COX7B2: variants seen among roughly 807,000 people sequenced by gnomAD.
COX7B2 encodes the protein cytochrome c oxidase subunit 7B2, mitochondrial.
For synonymous variants in COX7B2, 37 were observed against 32.1 expected (o/e 1.15, Z -0.51); for missense variants, 109 against 95.9 (o/e 1.14, Z -0.57).
At chr4:46,906,026 T>C (rs940749368) in intron 1 of COX7B2, among the ~76,000 whole-genome samples, 43 of 151,336 alleles carry the variant, frequency 2.8e-4, no homozygotes, top group African/African-American at 9.9e-4. Flanking sequence ...AGACGGGGTT[T>C]CACCTTGTTA....
At chr4:46,859,362 G>C (rs968952413) in intron 1 of COX7B2, among the ~76,000 whole-genome samples, 24 of 152,150 alleles carry the variant, frequency 1.6e-4, no homozygotes, top group Admixed American at 1.5e-3. Context: ...AAGGAGCACA[G>C]ATTTTAGGGG....
chr4:46,889,128 T>G (rs1719265368), intron 1 of COX7B2, among the ~76,000 whole-genome samples: 1 of 152,186 alleles, frequency 6.6e-6, no homozygotes, highest in African/African-American at 2.4e-5. Flanking sequence ...CAAATTTAAA[T>G]TTTAAAAATA....
chr4:46,747,794 C>A (rs1014219778), intron 2 of COX7B2, among the ~76,000 whole-genome samples: 2 of 152,132 alleles, frequency 1.3e-5, no homozygotes, highest in Non-Finnish European at 2.9e-5. Context: ...AATAAAGCTC[C>A]TTCTGGCTTT....
At chr4:46,737,320 C>A (rs1056263842) in intron 2 of COX7B2, among the ~76,000 whole-genome samples, 3 of 152,016 alleles carry the variant, frequency 2.0e-5, no homozygotes, top group African/African-American at 7.2e-5. Flanking sequence ...TTTAAGAGTT[C>A]TTTGTATATT....
chr4:46,786,415 TAGTA>T (rs1401186960), intron 2 of COX7B2, among the ~76,000 whole-genome samples: 1 of 152,346 alleles, frequency 6.6e-6, no homozygotes, highest in South Asian at 2.1e-4. Flanking sequence ...TTTTTGGCTT[TAGTA>T]AGTAAGTAAT....
At chr4:46,849,136 CTA>C (rs541129862) in intron 1 of COX7B2, among the ~76,000 whole-genome samples, 89 of 152,174 alleles carry the variant, frequency 5.8e-4, no homozygotes, top group African/African-American at 2.0e-3. Flanking sequence ...GGAGGGCTAA[CTA>C]TACACACACA....
intron 1 of COX7B2, among the ~76,000 whole-genome samples, chr4:46,902,210 G>C (rs1242994550): frequency 2.6e-5 from 4 of 152,088 alleles, no homozygotes; most frequent in Admixed American, 6.6e-5. Flanking sequence ...GCAACTTCCT[G>C]AGGACAGCTG....
intron 1 of COX7B2, among the ~76,000 whole-genome samples, chr4:46,878,387 G>C (rs1450968853): frequency 5.3e-5 from 8 of 151,246 alleles, no homozygotes; most frequent in Non-Finnish European, 1.0e-4. Flanking sequence ...TAAAAGAGTA[G>C]ATTTAGGTGC....
chr4:46,809,402 C>A (rs533574504), intron 2 of COX7B2, among the ~76,000 whole-genome samples: 1 of 151,636 alleles, frequency 6.6e-6, no homozygotes, highest in Non-Finnish European at 1.5e-5. Context: ...TTAATGTAGG[C>A]GTTTATTTCT....
At chr4:46,801,748 C>T (rs937866709) in intron 2 of COX7B2, among the ~76,000 whole-genome samples, 1 of 152,136 alleles carries the variant, frequency 6.6e-6, no homozygotes, top group Non-Finnish European at 1.5e-5. Context: ...TAAATGAAGA[C>T]AGAAACAGGA....
At chr4:46,866,219 T>C (rs758275668) in intron 1 of COX7B2, among the ~76,000 whole-genome samples, 9 of 152,006 alleles carry the variant, frequency 5.9e-5, no homozygotes, top group Non-Finnish European at 1.3e-4. Flanking sequence ...GACGGAAGTA[T>C]CCCCCCTTCT....
intron 1 of COX7B2, among the ~76,000 whole-genome samples, chr4:46,888,355 TTAAATA>T: frequency 6.6e-6 from 1 of 152,316 alleles, no homozygotes; most frequent in East Asian, 1.9e-4. Flanking sequence ...TTTAATTTTT[TTAAATA>T]TTAGATTTGT....
At chr4:46,754,726 G>GTATATA (rs1228184530) in intron 2 of COX7B2, among the ~76,000 whole-genome samples, 750 of 46,076 alleles carry the variant, frequency 0.016, 32 homozygotes, top group Middle Eastern at 0.034. Context: ...GTGTGTGTGT[G>GTATATA]TGTATATATA....
intron 1 of COX7B2, among the ~76,000 whole-genome samples, chr4:46,858,042 G>A (rs982244867): frequency 2.6e-5 from 4 of 152,056 alleles, no homozygotes; most frequent in Non-Finnish European, 2.9e-5. Context: ...TCCTGCCACT[G>A]GTTGACATCC....
intron 2 of COX7B2, among the ~76,000 whole-genome samples, chr4:46,831,699 G>C (rs1715117476): frequency 6.6e-6 from 1 of 152,136 alleles, no homozygotes. Context: ...GAATCTTTAT[G>C]TCTAGCTAAG....
chr4:46,814,905 G>T (rs1331490109), intron 2 of COX7B2, among the ~76,000 whole-genome samples: 1 of 151,754 alleles, frequency 6.6e-6, no homozygotes, highest in Admixed American at 6.6e-5. Context: ...TCACTTGAGG[G>T]CCAGGCACGT....
At chr4:46,870,161 C>T (rs758688795) in intron 1 of COX7B2, among the ~76,000 whole-genome samples, 2 of 151,908 alleles carry the variant, frequency 1.3e-5, no homozygotes, top group African/African-American at 2.4e-5. Context: ...GTTTATTTTA[C>T]TGTTACTACT....
At chr4:46,891,406 G>T (rs922200504) in intron 1 of COX7B2, among the ~76,000 whole-genome samples, 2 of 152,080 alleles carry the variant, frequency 1.3e-5, no homozygotes, top group Middle Eastern at 3.2e-3. Context: ...ACATTTAGAG[G>T]TCATAATGAA....
intron 2 of COX7B2, among the ~76,000 whole-genome samples, chr4:46,772,517 A>T (rs1425621524): frequency 6.6e-6 from 1 of 152,158 alleles, no homozygotes; most frequent in Non-Finnish European, 1.5e-5. Flanking sequence ...TTATTTCACA[A>T]TGTACACATA....
Sources: gnomAD v4.1 joint callset for allele counts (sites outside exome capture counted in the v4.1 genomes callset) on GRCh38, gnomAD v4.1.1 for gene constraint, MANE v1.5 for transcripts, NCBI Gene and HGNC (gene_info 2026-07-23, HGNC 2026-07-21) for gene names.